Variants in AGTPBP1 observed in about 807,000 individuals in gnomAD.
AGTPBP1 encodes cytosolic carboxypeptidase 1.
Under a neutral mutation model 143.9 loss-of-function variants are expected in AGTPBP1, and 70 were observed. The observed-to-expected ratio is 0.49, with a 90% CI of 0.40 to 0.59. The LOEUF (loss-of-function observed/expected upper bound fraction) is 0.59, where lower values mean the gene tolerates loss of function less well. Among genes scored for constraint, AGTPBP1 ranks in the 20% least tolerant of loss-of-function variants. AGTPBP1 has a pLI of 0.00. For synonymous variants in AGTPBP1, 463 were observed against 500.2 expected (o/e 0.93, Z 0.99); for missense variants, 1,229 against 1,464.5 (o/e 0.84, Z 2.62).
At chr9:85,588,826 A>ATT (rs35317193) in intron 20 of AGTPBP1, among the ~76,000 whole-genome samples, 1 of 151,864 alleles carries the variant, frequency 6.6e-6, no homozygotes, top group African/African-American at 2.4e-5. Context: ...ATATAAAACT[A>ATT]TTTTTTCATA....
intron 14 of AGTPBP1, among the ~76,000 whole-genome samples, chr9:85,626,245 G>C (rs562993772): frequency 6.6e-6 from 1 of 152,258 alleles, no homozygotes; most frequent in Admixed American, 6.5e-5. Context: ...TGGAGGTAAA[G>C]AGATTTTTAA....
At chr9:85,770,418 A>G in the AGTPBP1 span, 1 of 1,602,958 alleles carries the variant, frequency 6.2e-7, no homozygotes, top group Non-Finnish European at 8.5e-7. Context: ...GTGGTGAAGC[A>G]AATGTCTTGG....
chr9:85,672,249 A>G (rs1426434395), intron 7 of AGTPBP1, among the ~76,000 whole-genome samples: 1 of 152,004 alleles, frequency 6.6e-6, no homozygotes, highest in African/African-American at 2.4e-5. Flanking sequence ...TTGTATTTTT[A>G]TTAGAGACAG....
intron 3 of AGTPBP1, among the ~76,000 whole-genome samples, chr9:85,681,774 G>A (rs1835195283): frequency 7.5e-6 from 1 of 133,190 alleles, no homozygotes. Context: ...TTTTGAGACG[G>A]AGTCTCATTC....
chr9:85,644,331 T>TA (rs994101263), intron 12 of AGTPBP1, among the ~76,000 whole-genome samples: 19 of 150,194 alleles, frequency 1.3e-4, no homozygotes, highest in Non-Finnish European at 2.7e-4. Flanking sequence ...GTTTCTAAAA[T>TA]AAAAAATAAT....
chr9:85,776,572 A>G, the AGTPBP1 span, among the ~76,000 whole-genome samples: 1 of 151,934 alleles, frequency 6.6e-6, no homozygotes, highest in Non-Finnish European at 1.5e-5. Context: ...TTTCTTGCAT[A>G]CTCTTTCTTA....
At chr9:85,630,019 A>G (rs1304168984) in intron 14 of AGTPBP1, among the ~76,000 whole-genome samples, 1 of 152,208 alleles carries the variant, frequency 6.6e-6, no homozygotes, top group Non-Finnish European at 1.5e-5. Context: ...AGTTTGAGGC[A>G]ATTTAATAAC....
In AGTPBP1 at chr9:85,637,041, T is replaced by TC. The variant is rs1491365428; in HGVS notation, c.1303-3668_1303-3667insG. On this transcript the variant is annotated intron_variant, in intron 13 of 25. Coordinates refer to ENST00000357081, the MANE Select transcript of AGTPBP1 (RefSeq NM_001330701.2). The stretch of plus-strand genomic sequence containing the variant: ...AATGAAAGCATATCTCCCCAAAAAG[T>TC]TTTTTTTTTTTTTTTTTTAGACAGA... Among the ~76,000 whole-genome samples, 75 of 90,412 alleles carry TC rather than the reference T, an allele frequency of 8.3e-4. 1 individual carries two copies. The East Asian group carries it at 0.014, about 17-fold the overall frequency. 59.3% of individuals were successfully genotyped at this position (90,412 alleles called of 152,430 possible).
chr9:85,585,638 A>G (rs371580436), intron 22 of AGTPBP1, 44 bp from the exon 23 acceptor site: 32 of 1,484,750 alleles, frequency 2.2e-5, no homozygotes, highest in Admixed American at 1.2e-4. Context: ...TCAAGTTCAT[A>G]TGTTGCTAAG....
At chr9:85,753,839 C>G in the AGTPBP1 span, among the ~76,000 whole-genome samples, 1 of 152,232 alleles carries the variant, frequency 6.6e-6, no homozygotes, top group Middle Eastern at 3.4e-3. Flanking sequence ...ATAAAACCTT[C>G]AAACACTAGA....
the AGTPBP1 span, chr9:85,764,812 A>C: frequency 3.7e-6 from 5 of 1,343,086 alleles, no homozygotes; most frequent in Non-Finnish European, 5.4e-6. Context: ...CTGAGGAGAA[A>C]ACAAAGATTT....
chr9:85,643,844 T>C (rs1229982602), intron 12 of AGTPBP1, among the ~76,000 whole-genome samples: 1 of 152,186 alleles, frequency 6.6e-6, no homozygotes, highest in Non-Finnish European at 1.5e-5. Flanking sequence ...GACTCTGGCC[T>C]CACACAAACT....
At chr9:85,650,006 T>G (rs562812158) in intron 11 of AGTPBP1, among the ~76,000 whole-genome samples, 2 of 151,718 alleles carry the variant, frequency 1.3e-5, no homozygotes, top group Admixed American at 1.3e-4. Flanking sequence ...TCTTACCAGA[T>G]TGTGTTTTCA....
the AGTPBP1 span, among the ~76,000 whole-genome samples, chr9:85,793,111 A>G: frequency 6.6e-6 from 1 of 152,102 alleles, no homozygotes; most frequent in Non-Finnish European, 1.5e-5. Context: ...GTGCTTCATG[A>G]CTATTTCTTT....
the AGTPBP1 span, among the ~76,000 whole-genome samples, chr9:85,759,180 T>C: frequency 6.6e-6 from 1 of 152,160 alleles, no homozygotes; most frequent in Admixed American, 6.5e-5. Context: ...TGGGAGACTT[T>C]AACACCCCAC....
At chr9:85,587,949 T>C (rs1278511252) in intron 21 of AGTPBP1, among the ~76,000 whole-genome samples, 1 of 151,610 alleles carries the variant, frequency 6.6e-6, no homozygotes, top group East Asian at 1.9e-4. Flanking sequence ...TTCATGCCAC[T>C]AATAAAAAAA....
chr9:85,693,421 A>C (rs1836010592), intron 2 of AGTPBP1, among the ~76,000 whole-genome samples: 1 of 152,196 alleles, frequency 6.6e-6, no homozygotes, highest in African/African-American at 2.4e-5. Context: ...AACATGGTGA[A>C]ACCCATCTTT....
the AGTPBP1 span, among the ~76,000 whole-genome samples, chr9:85,800,011 C>T: frequency 6.6e-6 from 1 of 152,148 alleles, no homozygotes; most frequent in Non-Finnish European, 1.5e-5. Flanking sequence ...AAGAAGCTTC[C>T]AGTCTCTTGA....
chr9:85,760,056 A>T, the AGTPBP1 span, among the ~76,000 whole-genome samples: 1 of 152,162 alleles, frequency 6.6e-6, no homozygotes, highest in African/African-American at 2.4e-5. Context: ...ACACCCTCCC[A>T]AGACTAAACC....
Sources: allele counts gnomAD v4.1 joint callset (sites outside exome capture counted in the v4.1 genomes callset), GRCh38; gene constraint gnomAD v4.1.1; transcripts MANE v1.5; gene names NCBI Gene and HGNC (gene_info 2026-07-23, HGNC 2026-07-21).